DGKB: variants seen among roughly 807,000 people sequenced by gnomAD.
DGKB encodes the protein 90 kDa diacylglycerol kinase.
Under a neutral mutation model 114.3 loss-of-function variants are expected in DGKB, and 67 were observed. The observed-to-expected ratio is 0.59, with a 90% confidence interval of 0.48 to 0.72. The LOEUF (loss-of-function observed/expected upper bound fraction) is 0.72, where lower values mean the gene tolerates loss of function less well. Ranked by LOEUF, DGKB falls within the 30% of genes least tolerant of loss-of-function variation. The pLI is 0.00. For synonymous variants in DGKB, 398 were observed against 323.1 expected, an observed-to-expected ratio of 1.23 and a Z score of -2.49; for missense variants, 907 against 975.2, an observed-to-expected ratio of 0.93 and a Z score of 0.93.
At chr7:14,665,956 A>C (rs1817946667) in intron 13 of DGKB, among the ~76,000 whole-genome samples, 1 of 152,000 alleles carries the variant, frequency 6.6e-6, no homozygotes, top group Non-Finnish European at 1.5e-5. Context: ...TACTACCCAA[A>C]ATAATTTCAA....
intron 1 of DGKB, among the ~76,000 whole-genome samples, chr7:14,898,976 T>A (rs906596415): frequency 6.6e-6 from 1 of 152,122 alleles, no homozygotes; most frequent in Non-Finnish European, 1.5e-5. Context: ...ACTCAGAATA[T>A]CCTTAAAAAA....
chr7:14,599,857 G>C (rs944931425), intron 17 of DGKB, among the ~76,000 whole-genome samples: 4 of 152,068 alleles, frequency 2.6e-5, no homozygotes, highest in African/African-American at 9.7e-5. Flanking sequence ...AGGTGAATTT[G>C]AGCCAGTAAT....
chr7:14,664,239 T>A (rs552707978), intron 13 of DGKB, among the ~76,000 whole-genome samples: 1 of 152,006 alleles, frequency 6.6e-6, no homozygotes, highest in Non-Finnish European at 1.5e-5. Context: ...ATAATCTATT[T>A]TGAAATCACA....
chr7:14,284,908 G>GCTAGA (rs1024629948), intron 23 of DGKB, among the ~76,000 whole-genome samples: 1 of 150,862 alleles, frequency 6.6e-6, no homozygotes, highest in Non-Finnish European at 1.5e-5. Context: ...TATACCTAAT[G>GCTAGA]CTAGATGACG....
chr7:14,919,777 C>A (rs948801243), intron 1 of DGKB, among the ~76,000 whole-genome samples: 1 of 152,046 alleles, frequency 6.6e-6, no homozygotes, highest in Non-Finnish European at 1.5e-5. Flanking sequence ...TTGGTGCCAT[C>A]CCCTTCATGA....
chr7:14,305,908 A>G (rs957092051), intron 23 of DGKB, among the ~76,000 whole-genome samples: 2 of 152,148 alleles, frequency 1.3e-5, no homozygotes, highest in African/African-American at 2.4e-5. Flanking sequence ...GCTTTTTTCC[A>G]AAAGATTAAT....
rs147473561 is a variant in DGKB at position 14,680,047 on chromosome 7, G to C, written c.1035+2506C>G. On this transcript the variant is annotated intron_variant, in intron 12 of 25. Coordinates refer to ENST00000402815, the MANE Select transcript of DGKB (RefSeq NM_001350709.2). ...TGTTTTATGAACTTAATACCCATAAGACCCCTAAAGCTCATTGTTTATAGA... is the reference window on the plus strand; with the variant it reads ...TGTTTTATGAACTTAATACCCATAACACCCCTAAAGCTCATTGTTTATAGA... 5.9e-4 allele frequency among the ~76,000 whole-genome samples: 90 copies of C among 151,952 alleles called. No homozygotes were observed. The East Asian group carries it at 0.016, about 27-fold the overall frequency.
At chr7:14,796,504 T>C (rs1841425229) in intron 2 of DGKB, among the ~76,000 whole-genome samples, 1 of 152,056 alleles carries the variant, frequency 6.6e-6, no homozygotes, top group Non-Finnish European at 1.5e-5. Flanking sequence ...TTTGAAAAAT[T>C]GTAATCAGAG....
intron 25 of DGKB, among the ~76,000 whole-genome samples, chr7:14,160,449 G>A (rs940449934): frequency 1.5e-4 from 23 of 152,238 alleles, no homozygotes; most frequent in African/African-American, 5.3e-4. Context: ...AAATCAATGT[G>A]CAAGAATCAC....
At chr7:14,255,376 T>C (rs1301790424) in intron 23 of DGKB, among the ~76,000 whole-genome samples, 1 of 152,192 alleles carries the variant, frequency 6.6e-6, no homozygotes, top group African/African-American at 2.4e-5. Flanking sequence ...TGTATACTCT[T>C]ATGATGATAA....
At chr7:14,322,350 G>A (rs1807977873) in intron 23 of DGKB, among the ~76,000 whole-genome samples, 1 of 152,120 alleles carries the variant, frequency 6.6e-6, no homozygotes, top group Non-Finnish European at 1.5e-5. Flanking sequence ...CTCATAAACA[G>A]AAACTTGGGA....
chr7:14,566,405 G>T (rs1797386194), intron 20 of DGKB, among the ~76,000 whole-genome samples: 1 of 152,132 alleles, frequency 6.6e-6, no homozygotes, highest in African/African-American at 2.4e-5. Context: ...TAAGACATTG[G>T]CTGGGTTTAT....
At chr7:14,405,190 T>C (rs1823749246) in intron 21 of DGKB, among the ~76,000 whole-genome samples, 1 of 152,114 alleles carries the variant, frequency 6.6e-6, no homozygotes, top group African/African-American at 2.4e-5. Context: ...AGACATAATC[T>C]AGTCAACAGA....
intron 25 of DGKB, among the ~76,000 whole-genome samples, chr7:14,157,417 T>C (rs1041130010): frequency 6.6e-6 from 1 of 150,940 alleles, no homozygotes; most frequent in South Asian, 2.1e-4. Flanking sequence ...TTTTCTGGAA[T>C]GATAATTTCC....
chr7:14,334,791 G>A (rs1423105114), intron 23 of DGKB, among the ~76,000 whole-genome samples: 1 of 152,024 alleles, frequency 6.6e-6, no homozygotes, highest in African/African-American at 2.4e-5. Context: ...CAGAAGAGGG[G>A]GAGGAAAAGA....
intron 2 of DGKB, among the ~76,000 whole-genome samples, chr7:14,828,463 G>A (rs143360781): frequency 3.3e-3 from 502 of 152,188 alleles, no homozygotes; most frequent in African/African-American, 0.011. Context: ...GTTGGAATAA[G>A]AATTTCCAAT....
At chr7:14,580,145 A>T (rs890204935) in intron 19 of DGKB, among the ~76,000 whole-genome samples, 1 of 152,160 alleles carries the variant, frequency 6.6e-6, no homozygotes, top group Non-Finnish European at 1.5e-5. Flanking sequence ...CAGTTCCTTG[A>T]ATATGTCAAG....
chr7:14,523,607 A>G (rs1790142365), intron 20 of DGKB, among the ~76,000 whole-genome samples: 1 of 152,224 alleles, frequency 6.6e-6, no homozygotes, highest in African/African-American at 2.4e-5. Context: ...AATCTGAATA[A>G]TATCAATAAA....
chr7:14,652,890 A>C (rs1814892158), intron 13 of DGKB, among the ~76,000 whole-genome samples: 2 of 152,318 alleles, frequency 1.3e-5, no homozygotes, highest in South Asian at 4.1e-4. Context: ...GCAGCCAAAA[A>C]AACACATGAA....
Sources: allele counts gnomAD v4.1 joint callset (sites outside exome capture counted in the v4.1 genomes callset), GRCh38; gene constraint gnomAD v4.1.1; transcripts MANE v1.5; gene names NCBI Gene and HGNC (gene_info 2026-07-23, HGNC 2026-07-21).